The following PSME4 variants were observed in gnomAD, a reference collection of about 807,000 sequenced individuals.
PSME4 encodes the protein proteasome activator subunit 4, also known as proteasome activator complex subunit 4.
PSME4 carries 89 observed loss-of-function variants against 253.9 expected under a neutral mutation model. The ratio of observed to expected loss-of-function variants is 0.35; its 90% confidence interval spans 0.30 to 0.42. The LOEUF (loss-of-function observed/expected upper bound fraction) is 0.42, where lower values mean the gene tolerates loss of function less well. Ranked by LOEUF, PSME4 falls within the 10% of genes least tolerant of loss-of-function variation. The probability of loss-of-function intolerance (pLI) is 1.00; values close to 1 mark genes in which losing one functional copy is unlikely to be tolerated. For missense variants in PSME4, 2,014 were observed against 2,195.2 expected, an observed-to-expected ratio of 0.92 and a Z score of 1.65; for synonymous variants, 851 against 759.2, an observed-to-expected ratio of 1.12 and a Z score of -1.99.
In PSME4 at chr2:53,872,374, C is replaced by T. The variant is rs560437559; in HGVS notation, c.5100+1965G>A. Among the ~76,000 whole-genome samples, 8 of 152,066 alleles carry T rather than the reference C, an allele frequency of 5.3e-5. No individual in the cohort carries two copies. In the East Asian group the frequency reaches 1.2e-3, roughly 22 times the overall value. ...CATACTATCAACGAACAGAATTTAG[C>T]GAATTATTACTGCTTTTTGGTTTTA... On this transcript the variant is annotated intron_variant, in intron 43 of 46. Transcript: ENST00000404125.
chr2:53,967,805 C>A (rs938135683), intron 1 of PSME4, among the ~76,000 whole-genome samples: 1 of 152,100 alleles, frequency 6.6e-6, no homozygotes. Context: ...CACTAACTCT[C>A]AACTGCATTT....
chr2:53,891,912 G>C (rs1253567756), intron 36 of PSME4, among the ~76,000 whole-genome samples: 2 of 151,788 alleles, frequency 1.3e-5, no homozygotes, highest in African/African-American at 4.8e-5. Flanking sequence ...CGGATGGATG[G>C]ACAGACGGAA....
intron 26 of PSME4, among the ~76,000 whole-genome samples, chr2:53,905,648 G>C (rs1045939249): frequency 6.6e-5 from 10 of 152,142 alleles, no homozygotes; most frequent in African/African-American, 2.4e-4. Flanking sequence ...TACAAGGCTT[G>C]AGTTCAAGAC....
At chr2:53,906,533 G>T in intron 26 of PSME4, 65 bp downstream of exon 26, 8 of 1,432,782 alleles carry the variant, frequency 5.6e-6, no homozygotes, top group African/African-American at 1.4e-5. Context: ...CTTAAAAGGG[G>T]GATATTAAGA....
chr2:53,898,702 T>C lies in PSME4; in HGVS notation c.3423-348A>G, dbSNP rs116290532. 9.1e-3 allele frequency among the ~76,000 whole-genome samples: 1,380 copies of C among 151,458 alleles called. 23 individuals carry two copies. Among genetic ancestry groups the C allele is most frequent in the African/African-American group, 0.032 (1,301 of 41,224 alleles). ...CACCAGGTTTCTGAAATATATTAGG[T>C]AGGCTATAAGAGTTTATTATTTATA... On this transcript the variant is annotated intron_variant, in intron 29 of 46. Coordinates refer to ENST00000404125, the MANE Select transcript of PSME4 (RefSeq NM_014614.3).
At chr2:53,959,711 G>A (rs1670396577) in intron 1 of PSME4, among the ~76,000 whole-genome samples, 1 of 152,252 alleles carries the variant, frequency 6.6e-6, no homozygotes, top group East Asian at 1.9e-4. Context: ...TGTAGATAAA[G>A]CTTCTCACTG....
chr2:53,926,074 T>C (rs748146259), intron 12 of PSME4, 51 bp from the exon 13 acceptor site: 3 of 1,466,236 alleles, frequency 2.0e-6, no homozygotes, highest in Non-Finnish European at 1.9e-6. Flanking sequence ...TGTTTTTTTT[T>C]CCTGAACTAA....
intron 3 of PSME4, among the ~76,000 whole-genome samples, chr2:53,943,806 C>T (rs1391320660): frequency 2.8e-5 from 4 of 141,028 alleles, no homozygotes; most frequent in African/African-American, 1.1e-4. Flanking sequence ...TGTGCCACTG[C>T]ACTCCAGCCT....
Position 53,874,412 on chromosome 2 carries a change from A to G in PSME4, c.5027T>C (p.Phe1676Ser). 6.2e-7 allele frequency: 1 copy of G among 1,614,084 alleles called. No individual in the cohort carries two copies. The highest frequency in any genetic ancestry group is 8.5e-7 in the Non-Finnish European group (1 of 1,179,934). ...QTMVFYNLFIFLNNEDAVKDI... is the reference protein window; with the variant it reads ...QTMVFYNLFISLNNEDAVKDI... The stretch of plus-strand genomic sequence containing the variant: ...TTTAACTGCATCTTCATTGTTTAGG[A>G]AAATAAAGAGGTTATAAAATACCAT... The change falls in exon 43 of 47, where the codon TTC becomes TCC. Residue 1676 changes from phenylalanine (F) to serine (S), a missense_variant. Coordinates refer to ENST00000404125, the MANE Select transcript of PSME4 (RefSeq NM_014614.3).
Position 53,866,896 on chromosome 2 carries a change from C to T in PSME4, c.5264-16G>A, listed in dbSNP as rs1558636738. ...TTGACCAACTCTGCAAAGAGAATAGCAACATTTGTGCAAATATATATATGT... is the reference window on the plus strand; with the variant it reads ...TTGACCAACTCTGCAAAGAGAATAGTAACATTTGTGCAAATATATATATGT... On this transcript the variant is annotated splice_polypyrimidine_tract_variant and intron_variant, in intron 44 of 46. Transcript: ENST00000404125. The T allele has an allele frequency of 1.9e-6, 3 of 1,609,876 alleles. No individual in the cohort carries two copies. The highest frequency in any genetic ancestry group is 2.5e-6 in the Non-Finnish European group (3 of 1,178,216).
Position 53,896,903 on chromosome 2 carries a change from T to TAC in PSME4, c.3607-20_3607-19dup. The stretch of plus-strand genomic sequence containing the variant: ...ATAGCCATCTAGAAAAGGAAAAAGG[T>TAC]ACACATTCATAAAAAAAAGTTTAAA... On this transcript the variant is annotated intron_variant, in intron 31 of 46. Transcript: ENST00000404125. The TAC allele has an allele frequency of 5.7e-6, 9 of 1,570,758 alleles. No individual in the cohort carries two copies. The highest frequency in any genetic ancestry group is 7.9e-6 in the Non-Finnish European group (9 of 1,142,006).
chr2:53,940,442 G>C (rs564446301), intron 3 of PSME4, among the ~76,000 whole-genome samples: 1 of 152,146 alleles, frequency 6.6e-6, no homozygotes, highest in East Asian at 1.9e-4. Flanking sequence ...ATGAGAGTTC[G>C]ATAACCCTCC....
intron 8 of PSME4, among the ~76,000 whole-genome samples, 172 bp downstream of exon 8, chr2:53,934,433 G>T (rs1395692869): frequency 6.6e-6 from 1 of 152,128 alleles, no homozygotes; most frequent in Non-Finnish European, 1.5e-5. Context: ...TTTAGAAATG[G>T]TACCACTATA....
intron 8 of PSME4, among the ~76,000 whole-genome samples, chr2:53,933,403 A>AAAAAAAAAG (rs1558697904): frequency 2.2e-5 from 3 of 139,064 alleles, no homozygotes; most frequent in African/African-American, 5.2e-5. Context: ...AAAAAAAAAA[A>AAAAAAAAAG]GCGTTTCCCT....
At chr2:53,922,133 C>A (rs1269329536) in intron 17 of PSME4, among the ~76,000 whole-genome samples, 3 of 152,068 alleles carry the variant, frequency 2.0e-5, no homozygotes, top group Non-Finnish European at 4.4e-5. Flanking sequence ...GATTGCACCA[C>A]TGCACTCCAG....
chr2:53,929,528 C>A (rs1342699000), intron 10 of PSME4, among the ~76,000 whole-genome samples: 1 of 151,840 alleles, frequency 6.6e-6, no homozygotes, highest in Non-Finnish European at 1.5e-5. Flanking sequence ...TTCCTGAGCT[C>A]AAACAATCCA....
intron 7 of PSME4, 66 bp downstream of exon 7, chr2:53,936,021 G>C (rs1159568263): frequency 6.5e-7 from 1 of 1,548,492 alleles, no homozygotes; most frequent in Non-Finnish European, 8.7e-7. Flanking sequence ...AGCCACCCGA[G>C]CAGCTGGGAT....
chr2:53,897,273 G>A (rs1326711726), intron 31 of PSME4, among the ~76,000 whole-genome samples: 5 of 150,292 alleles, frequency 3.3e-5, no homozygotes, highest in Admixed American at 6.7e-5. Flanking sequence ...GGGTTCAAGC[G>A]ATTCTACTGC....
rs767397528 is a variant in PSME4 at position 53,893,737 on chromosome 2, A to G, written c.3975T>C (p.Phe1325=). The change falls in exon 35 of 47, where the codon TTT becomes TTC. Residue 1325 remains phenylalanine (F), a synonymous_variant. Transcript: ENST00000404125. ...TTCCTTTTCTGTCTTCTAATGATAGAAAAGTAATTAACTGCTCAACAAATT... is the reference window on the plus strand; with the variant it reads ...TTCCTTTTCTGTCTTCTAATGATAGGAAAGTAATTAACTGCTCAACAAATT... ...DPKFVEQLIT[F]LSLEDRKGKD... 27 of 1,611,406 alleles carry G rather than the reference A, an allele frequency of 1.7e-5. No individual in the cohort carries two copies. In the South Asian group the frequency reaches 2.9e-4, roughly 17 times the overall value.
Sources: allele counts gnomAD v4.1 joint callset (sites outside exome capture counted in the v4.1 genomes callset), GRCh38; gene constraint gnomAD v4.1.1; transcripts MANE v1.5; gene names NCBI Gene and HGNC (gene_info 2026-07-23, HGNC 2026-07-21).